The following SCN1A variants were observed in gnomAD, a reference collection of about 807,000 sequenced individuals.
SCN1A encodes the protein sodium voltage-gated channel alpha subunit 1.
A neutral mutation model predicts 193.7 loss-of-function variants in SCN1A; 13 were observed. That is an observed-to-expected ratio of 0.07 (90% confidence interval 0.04 to 0.11). The LOEUF is 0.11. Ranked by LOEUF, SCN1A falls within the 10% of genes least tolerant of loss-of-function variation. The pLI is 1.00. For synonymous variants in SCN1A, 781 were observed against 843.6 expected (o/e 0.93, Z 1.29); for missense variants, 1,432 against 2,451.1 (o/e 0.58, Z 8.78).
intron 14 of SCN1A, among the ~76,000 whole-genome samples, chr2:166,043,414 C>T (rs891434696): frequency 6.6e-6 from 1 of 152,208 alleles, no homozygotes; most frequent in African/African-American, 2.4e-5. Context: ...ATAGCAAATC[C>T]TCCAACTGGA....
chr2:165,995,379 G>A (rs771123049), intron 27 of SCN1A, among the ~76,000 whole-genome samples: 12 of 151,844 alleles, frequency 7.9e-5, no homozygotes, highest in Non-Finnish European at 1.5e-4. Context: ...TGGGATAATA[G>A]CTGTACATTT....
At chr2:165,993,923 A>G (rs1689637513) in intron 28 of SCN1A, 1 of 573,142 alleles carries the variant, frequency 1.7e-6, no homozygotes, top group Non-Finnish European at 3.1e-6. Context: ...ATGAGGTTTT[A>G]CTACATTTAC....
chr2:166,113,081 G>A (rs1013397209), intron 2 of SCN1A, among the ~76,000 whole-genome samples: 3 of 152,158 alleles, frequency 2.0e-5, no homozygotes, highest in African/African-American at 7.2e-5. Context: ...TCTTGCAACT[G>A]ATGTTTGAAG....
In SCN1A at chr2:166,007,323, A is replaced by ATTAG. The variant is rs1255519475; in HGVS notation, c.4002+2392_4002+2395dup. 4 of 151,240 alleles carry ATTAG rather than the reference A, an allele frequency of 2.6e-5. No individual in the cohort carries two copies. The highest frequency in any genetic ancestry group is 2.0e-4 in the Admixed American group (3 of 15,122). 9.4% of individuals were successfully genotyped at this position (151,240 alleles called of 1,614,324 possible). ...ACAAAATAGAAATATATAGTTTGTT[A>ATTAG]TTAGTTAGAAATCTGATATGACAGA... On this transcript the variant is annotated intron_variant, in intron 23 of 28. Coordinates refer to ENST00000674923, the MANE Select transcript of SCN1A (RefSeq NM_001165963.4).
chr2:166,032,419 T>G (rs1285825595), intron 19 of SCN1A, among the ~76,000 whole-genome samples: 1 of 152,118 alleles, frequency 6.6e-6, no homozygotes, highest in Non-Finnish European at 1.5e-5. Context: ...ACAAAGACTC[T>G]TCATCTATTG....
At chr2:165,985,247 G>A (rs1307053428), downstream of SCN1A, 1 of 150,404 alleles carries the variant, frequency 6.6e-6, no homozygotes, top group East Asian at 2.0e-4. Flanking sequence ...TCTCTGAAAA[G>A]ATATAAAAGT....
At chr2:166,054,243 G>C (rs990408965) in intron 7 of SCN1A, among the ~76,000 whole-genome samples, 16 of 151,968 alleles carry the variant, frequency 1.1e-4, no homozygotes, top group African/African-American at 3.9e-4. Context: ...TATCAGCAAG[G>C]TCATTGCAAA....
intron 2 of SCN1A, among the ~76,000 whole-genome samples, chr2:166,087,660 T>TA (rs796184148): frequency 1.4e-3 from 203 of 148,346 alleles, no homozygotes; most frequent in African/African-American, 4.6e-3. Flanking sequence ...AACCTCTTTT[T>TA]AAAAAAAAAA....
At chr2:166,078,769 C>G (rs1459162153) in intron 2 of SCN1A, among the ~76,000 whole-genome samples, 2 of 151,428 alleles carry the variant, frequency 1.3e-5, no homozygotes, top group Admixed American at 1.3e-4. Flanking sequence ...ATTCATATAA[C>G]TAGAGAAATC....
At chr2:166,031,574 C>T (rs1275560954) in intron 19 of SCN1A, among the ~76,000 whole-genome samples, 3 of 152,008 alleles carry the variant, frequency 2.0e-5, no homozygotes, top group Non-Finnish European at 2.9e-5. Flanking sequence ...TCACCATCCC[C>T]AGATAAACTT....
In SCN1A at chr2:166,071,977, T is replaced by A. The variant is rs185600899; in HGVS notation, c.264+1381A>T. 2.0e-3 allele frequency: 307 copies of A among 152,162 alleles called. 2 individuals are homozygous for A. The highest frequency in any genetic ancestry group is 7.1e-3 in the African/African-American group (295 of 41,502). 9.4% of individuals were successfully genotyped at this position (152,162 alleles called of 1,614,324 possible). ...AAAAAAAATCTGAACCTAAGGCTAG[T>A]CAACCTTTTGTGACGCTCTTTCCTC... On this transcript the variant is annotated intron_variant, in intron 4 of 28. Coordinates refer to ENST00000674923, the MANE Select transcript of SCN1A (RefSeq NM_001165963.4).
At position 166,118,302 on chromosome 2, in the gene SCN1A, CTTTTT is replaced by C. The variant is rs61002916; in HGVS notation, c.-142+8617_-142+8621del. Among the ~76,000 whole-genome samples the C allele has an allele frequency of 8.2e-3, 662 of 81,144 alleles. 99 individuals are homozygous for C. Among genetic ancestry groups the C allele is most frequent in the African/African-American group, 0.03 (595 of 19,818 alleles). 53.2% of individuals were successfully genotyped at this position (81,144 alleles called of 152,430 possible). A position where few individuals can be genotyped will look rare whatever the true frequency, so the allele number is the denominator to read the frequency against. On this transcript the variant is annotated intron_variant, in intron 2 of 28. Transcript: ENST00000674923. ...TTGCTTACTGATTTCTATTTAGTTT[CTTTTT>C]TTTTTTTTTTTTTTTTTTTTTTTGA...
upstream of SCN1A, among the ~76,000 whole-genome samples, chr2:166,130,631 T>C (rs1691620155): frequency 6.6e-6 from 1 of 152,220 alleles, no homozygotes; most frequent in African/African-American, 2.4e-5. Context: ...TTGTATCTTA[T>C]GAAACATGGT....
At position 166,026,752 on chromosome 2, in the gene SCN1A, C is replaced by T. The variant is rs1174092793; in HGVS notation, c.3429+9296G>A. ...AGGCTGGAGTGCAGTGGCGTGATCT[C>T]GGCTCACTGCAAGCTCCGCCTCCCA... On this transcript the variant is annotated intron_variant, in intron 19 of 28. Transcript: ENST00000674923. 2.2e-5 allele frequency among the ~76,000 whole-genome samples: 3 copies of T among 134,872 alleles called. No homozygotes were observed. The East Asian group carries it at 6.5e-4, about 29-fold the overall frequency. 88.5% of individuals were successfully genotyped at this position (134,872 alleles called of 152,430 possible). A position where few individuals can be genotyped will look rare whatever the true frequency, so the allele number is the denominator to read the frequency against.
At chr2:166,067,709 T>G (rs1683992023) in intron 4 of SCN1A, among the ~76,000 whole-genome samples, 1 of 151,774 alleles carries the variant, frequency 6.6e-6, no homozygotes. Flanking sequence ...GCTTTTTTTT[T>G]TTTTTTTGCC....
At chr2:166,088,827 T>C (rs1686440401) in intron 2 of SCN1A, among the ~76,000 whole-genome samples, 3 of 152,200 alleles carry the variant, frequency 2.0e-5, no homozygotes, top group Middle Eastern at 3.4e-3. Context: ...GAAACAGTGA[T>C]GTCCAAAGGG....
intron 19 of SCN1A, among the ~76,000 whole-genome samples, chr2:166,016,961 AAT>A (rs1693394675): frequency 6.6e-6 from 1 of 150,896 alleles, no homozygotes; most frequent in African/African-American, 2.4e-5. Context: ...GTTTCACCGA[AAT>A]ATTTGTATTT....
chr2:166,119,772 A>G (rs1690326375), intron 2 of SCN1A, among the ~76,000 whole-genome samples: 1 of 152,112 alleles, frequency 6.6e-6, no homozygotes, highest in Non-Finnish European at 1.5e-5. Flanking sequence ...CCAAAAGACA[A>G]AATATTCAAA....
chr2:166,090,390 C>T (rs537954919), intron 2 of SCN1A, among the ~76,000 whole-genome samples: 7 of 152,022 alleles, frequency 4.6e-5, no homozygotes, highest in Non-Finnish European at 1.0e-4. Flanking sequence ...ACAGCCATAA[C>T]AACAAAGAGA....
Sources: gnomAD v4.1 joint callset for allele counts (sites outside exome capture counted in the v4.1 genomes callset) on GRCh38, gnomAD v4.1.1 for gene constraint, MANE v1.5 for transcripts, NCBI Gene and HGNC (gene_info 2026-07-23, HGNC 2026-07-21) for gene names.